Variants in MAN2A1 observed in about 807,000 individuals in gnomAD.
The protein encoded by MAN2A1 is mannosidase alpha class 2A member 1.
In MAN2A1, 76 loss-of-function variants were observed where a neutral mutation model predicts 142.6. The observed-to-expected ratio is 0.53, with a 90% CI of 0.44 to 0.65. The LOEUF is 0.65. MAN2A1 is among the 30% of genes least tolerant of loss of function. The pLI, the probability that MAN2A1 is intolerant of heterozygous loss-of-function variation, is 0.00. For missense variants in MAN2A1, 1,311 were observed against 1,365.1 expected (o/e 0.96, Z 0.62); for synonymous variants, 559 against 473.2 (o/e 1.18, Z -2.35).
intron 4 of MAN2A1, among the ~76,000 whole-genome samples, chr5:109,747,495 T>G (rs185021968): frequency 6.6e-6 from 1 of 152,310 alleles, no homozygotes; most frequent in Admixed American, 6.5e-5. Flanking sequence ...TTTGGAGATC[T>G]AGGTAATTTT....
At chr5:109,834,783 A>ATT (rs1422104119) in intron 16 of MAN2A1, among the ~76,000 whole-genome samples, 6 of 152,204 alleles carry the variant, frequency 3.9e-5, no homozygotes, top group Non-Finnish European at 8.8e-5. Flanking sequence ...ATGAAAGCAG[A>ATT]TGTTAACATT....
intron 2 of MAN2A1, among the ~76,000 whole-genome samples, chr5:109,715,278 ATTTG>A (rs1263936645): frequency 4.2e-5 from 5 of 120,288 alleles, no homozygotes; most frequent in Non-Finnish European, 1.9e-5. Context: ...CTTTCATATA[ATTTG>A]TTTGGCCTTT....
At position 109,868,814 on chromosome 5, in the gene MAN2A1, A is replaced by C. The variant is rs1462727853; in HGVS notation, c.*1816A>C. ...TACAGATGTTAGGGTTGCCAGAAGC[A>C]AATCCCAGGAATGAGATCAGTATTT... On this transcript the variant is annotated 3_prime_UTR_variant, in exon 22 of 22. Transcript: ENST00000261483. 1 of 152,236 alleles carries C rather than the reference A, an allele frequency of 6.6e-6. No individual in the cohort carries two copies. The highest frequency in any genetic ancestry group is 1.5e-5 in the Non-Finnish European group (1 of 68,044). The allele number at this position is 152,236 out of a possible 1,614,324, so 9.4% of individuals were successfully genotyped here. A position where few individuals can be genotyped will look rare whatever the true frequency, so the allele number is the denominator to read the frequency against.
At chr5:109,813,545 C>A (rs1387223264) in intron 12 of MAN2A1, among the ~76,000 whole-genome samples, 1 of 152,230 alleles carries the variant, frequency 6.6e-6, no homozygotes, top group East Asian at 1.9e-4. Context: ...CCATGCAGGT[C>A]TGAGGACCAG....
chr5:109,840,669 C>A (rs1462933072), intron 16 of MAN2A1: 2 of 447,288 alleles, frequency 4.5e-6, no homozygotes, highest in East Asian at 1.2e-4. Context: ...TCTACAGCAA[C>A]CTTCTCTGCT....
At chr5:109,779,647 CAT>C (rs1753397278) in intron 8 of MAN2A1, among the ~76,000 whole-genome samples, 1 of 151,920 alleles carries the variant, frequency 6.6e-6, no homozygotes, top group Admixed American at 6.6e-5. Context: ...TTAGCTAAAA[CAT>C]ATTGAGTGCG....
intron 10 of MAN2A1, among the ~76,000 whole-genome samples, 156 bp downstream of exon 10, chr5:109,785,082 A>T (rs1287111528): frequency 6.6e-6 from 1 of 152,164 alleles, no homozygotes; most frequent in African/African-American, 2.4e-5. Context: ...TGATATTCAA[A>T]TATTAAGAAA....
intron 20 of MAN2A1, among the ~76,000 whole-genome samples, chr5:109,859,617 C>G (rs1755707454): frequency 6.6e-6 from 1 of 152,124 alleles, no homozygotes; most frequent in African/African-American, 2.4e-5. Context: ...GGTTTGAAAC[C>G]TAGGGAACAT....
chr5:109,759,631 C>T (rs1752782181), intron 5 of MAN2A1, among the ~76,000 whole-genome samples: 1 of 152,082 alleles, frequency 6.6e-6, no homozygotes, highest in Non-Finnish European at 1.5e-5. Context: ...ACTAGAATTG[C>T]TGGGCTATAG....
rs771839530 is a variant in MAN2A1, at chr5:109,842,388, G to A, written c.2627G>A (p.Arg876His). Residue 876 changes from arginine to histidine, a missense_variant, in exon 17 of 22, where the codon CGT becomes CAT. Transcript: ENST00000261483. ...NIVDIRKVYN[R>H]EIAMKISSDI... ...GTGGACATCCGAAAAGTATATAACC[G>A]TGAGATTGCAATGAAAATTTCTTCT... 72 of 1,589,400 alleles carry A rather than the reference G, an allele frequency of 4.5e-5. No individual in the cohort carries two copies. The highest frequency in any genetic ancestry group is 1.4e-4 in the South Asian group (13 of 90,076).
At chr5:109,700,077 T>C (rs1750932562) in intron 1 of MAN2A1, among the ~76,000 whole-genome samples, 1 of 152,194 alleles carries the variant, frequency 6.6e-6, no homozygotes, top group Non-Finnish European at 1.5e-5. Context: ...CCTTAACTTC[T>C]GGACCATGAC....
intron 12 of MAN2A1, among the ~76,000 whole-genome samples, chr5:109,791,248 G>A (rs1753730576): frequency 6.6e-6 from 1 of 151,824 alleles, no homozygotes; most frequent in Admixed American, 6.6e-5. Context: ...CTGATTGGCA[G>A]ATTCTTATTT....
At chr5:109,706,947 T>TA (rs1319854674) in intron 1 of MAN2A1, among the ~76,000 whole-genome samples, 2 of 152,150 alleles carry the variant, frequency 1.3e-5, no homozygotes, top group Non-Finnish European at 1.5e-5. Context: ...TGATAGGAAA[T>TA]AGTCCAGAAT....
At chr5:109,786,662 T>A (rs894022616) in intron 10 of MAN2A1, among the ~76,000 whole-genome samples, 8 of 152,074 alleles carry the variant, frequency 5.3e-5, no homozygotes, top group Admixed American at 1.3e-4. Flanking sequence ...ACAGACATTT[T>A]AAGGAGGAAA....
intron 16 of MAN2A1, among the ~76,000 whole-genome samples, chr5:109,824,619 G>A (rs1475325335): frequency 6.6e-6 from 1 of 152,116 alleles, no homozygotes; most frequent in African/African-American, 2.4e-5. Context: ...TTTGCTGTTA[G>A]CTAAGTTGAA....
intron 2 of MAN2A1, among the ~76,000 whole-genome samples, chr5:109,714,392 TTAAGA>T (rs1451201385): frequency 6.6e-6 from 1 of 152,194 alleles, no homozygotes; most frequent in East Asian, 1.9e-4. Context: ...TGATTATGAG[TTAAGA>T]TAATATTTTG....
At chr5:109,733,193 T>C (rs1225151712) in intron 4 of MAN2A1, among the ~76,000 whole-genome samples, 1 of 152,200 alleles carries the variant, frequency 6.6e-6, no homozygotes, top group East Asian at 1.9e-4. Flanking sequence ...AGAATGCTTG[T>C]GATTTTTGTA....
intron 1 of MAN2A1, among the ~76,000 whole-genome samples, chr5:109,712,745 T>C (rs1219613106): frequency 6.6e-6 from 1 of 152,184 alleles, no homozygotes; most frequent in African/African-American, 2.4e-5. Flanking sequence ...CACTAAAGAA[T>C]TATTGTTGAG....
intron 1 of MAN2A1, among the ~76,000 whole-genome samples, chr5:109,709,956 C>A (rs1293088079): frequency 6.6e-6 from 1 of 152,180 alleles, no homozygotes. Context: ...TTAATGCAGA[C>A]TACAAGTGCA....
Sources: gnomAD v4.1 joint callset for allele counts (sites outside exome capture counted in the v4.1 genomes callset) on GRCh38, gnomAD v4.1.1 for gene constraint, MANE v1.5 for transcripts, NCBI Gene and HGNC (gene_info 2026-07-23, HGNC 2026-07-21) for gene names.